ABHD13: variants seen among roughly 807,000 people sequenced by gnomAD.
ABHD13 encodes the protein abhydrolase domain containing 13.
In ABHD13, 7 loss-of-function variants were observed where a neutral mutation model predicts 25.2. The ratio of observed to expected loss-of-function variants is 0.28; its 90% CI spans 0.16 to 0.52. ABHD13 has a LOEUF of 0.52. Ranked by LOEUF, ABHD13 falls within the 20% of genes least tolerant of loss-of-function variation. The pLI is 0.96. For synonymous variants in ABHD13, 133 were observed against 136.1 expected, an observed-to-expected ratio of 0.98 and a Z score of 0.16; for missense variants, 302 against 402.7, an observed-to-expected ratio of 0.75 and a Z score of 2.14.
intron 1 of ABHD13, among the ~76,000 whole-genome samples, chr13:108,223,557 G>A (rs1047603953): frequency 2.0e-5 from 3 of 152,030 alleles, no homozygotes; most frequent in African/African-American, 7.3e-5. Context: ...CTCATTTACC[G>A]TGAGCTCATG....
At chr13:108,224,916 T>C (rs908720608) in intron 1 of ABHD13, among the ~76,000 whole-genome samples, 11 of 152,260 alleles carry the variant, frequency 7.2e-5, no homozygotes, top group African/African-American at 2.4e-4. Flanking sequence ...AACAATCATA[T>C]CTAATTTATA....
Position 108,233,374 on chromosome 13 carries a change from T to C in ABHD13, c.*3142T>C, listed in dbSNP as rs1879850349. ...CAGATAGCTTAAGAGCAGTTTATATTAAGGAGACCCTTTTCTCCTTGAGGA... is the reference window on the plus strand; with the variant it reads ...CAGATAGCTTAAGAGCAGTTTATATCAAGGAGACCCTTTTCTCCTTGAGGA... On this transcript the variant is annotated 3_prime_UTR_variant, in exon 2 of 2. Coordinates refer to ENST00000375898, the MANE Select transcript of ABHD13 (RefSeq NM_032859.3). The C allele has an allele frequency of 6.0e-6, 1 of 166,872 alleles. No individual in the cohort carries two copies. Among genetic ancestry groups the C allele is most frequent in the Non-Finnish European group, 1.5e-5 (1 of 67,990 alleles). 10.3% of individuals were successfully genotyped at this position (166,872 alleles called of 1,614,324 possible).
At chr13:108,220,397 T>G (rs887337497) in intron 1 of ABHD13, among the ~76,000 whole-genome samples, 7 of 152,218 alleles carry the variant, frequency 4.6e-5, no homozygotes, top group Non-Finnish European at 1.0e-4. Flanking sequence ...GGATCTAACA[T>G]TTTCCCATGA....
chr13:108,222,287 C>G (rs377267940), intron 1 of ABHD13, among the ~76,000 whole-genome samples: 1 of 151,984 alleles, frequency 6.6e-6, no homozygotes, highest in Non-Finnish European at 1.5e-5. Context: ...ACTAACCTTA[C>G]GGCAATAATT....
Position 108,229,397 on chromosome 13 carries a change from T to C in ABHD13, c.179T>C (p.Phe60Ser). The change falls in exon 2 of 2, where the codon TTC becomes TCC. Residue 60 changes from phenylalanine (F) to serine (S), a missense_variant. Physicochemically the swap from Phe to Ser is radical, Grantham distance 155. Coordinates refer to ENST00000375898, the MANE Select transcript of ABHD13 (RefSeq NM_032859.3). This position sits in a 1 kb window ranked among gnomAD's most constrained non-coding sequence, Gnocchi z 4.7. The stretch of plus-strand genomic sequence containing the variant: ...TCAATAGCAGGTATTCTGTATAAAT[T>C]CCAGGATGTATTGCTTTATTTTCCA... ...FISIAGILYK[F>S]QDVLLYFPEQ... 6.2e-7 allele frequency: 1 copy of C among 1,612,698 alleles called. No homozygotes were observed. Among genetic ancestry groups the C allele is most frequent in the Non-Finnish European group, 8.5e-7 (1 of 1,179,228 alleles).
At position 108,229,290 on chromosome 13, in the gene ABHD13, T is replaced by A; in HGVS notation, c.72T>A (p.Ala24=). 1 of 1,608,094 alleles carries A rather than the reference T, an allele frequency of 6.2e-7. No individual in the cohort carries two copies. The highest frequency in any genetic ancestry group is 8.5e-7 in the Non-Finnish European group (1 of 1,177,560). Residue 24 remains alanine, a synonymous_variant, in exon 2 of 2, where the codon GCT becomes GCA. Transcript: ENST00000375898. This position sits in a 1 kb window ranked among gnomAD's most constrained non-coding sequence, Gnocchi z 4.7. ...WLIALASWSW[A]LCRISLLPLI... ...TAGCCTTGGCTTCATGGTCTTGGGC[T>A]CTCTGCCGTATTTCTCTTTTACCTT...
At chr13:108,225,051 A>AT (rs71204862) in intron 1 of ABHD13, among the ~76,000 whole-genome samples, 8,817 of 151,618 alleles carry the variant, frequency 0.058, 250 homozygotes, top group East Asian at 0.11. Context: ...TCTAAGGTTG[A>AT]TTTTTTTTTC....
At chr13:108,225,890 A>G (rs1000619068) in intron 1 of ABHD13, among the ~76,000 whole-genome samples, 1 of 152,186 alleles carries the variant, frequency 6.6e-6, no homozygotes, top group Non-Finnish European at 1.5e-5. Flanking sequence ...TCTAGTTGGT[A>G]TAAGTTTGAG....
chr13:108,224,382 T>G (rs535276384), intron 1 of ABHD13, among the ~76,000 whole-genome samples: 2 of 152,304 alleles, frequency 1.3e-5, no homozygotes, highest in East Asian at 3.9e-4. Context: ...GTAGGCCTGC[T>G]TCAGTGGTCC....
chr13:108,220,766 T>C (rs67481697), intron 1 of ABHD13, among the ~76,000 whole-genome samples: 7,112 of 152,322 alleles, frequency 0.047, 187 homozygotes, highest in East Asian at 0.11. Context: ...GTAAGGCTTC[T>C]AGTTGTACTT....
At chr13:108,226,948 A>T (rs1287919507) in intron 1 of ABHD13, among the ~76,000 whole-genome samples, 3 of 152,082 alleles carry the variant, frequency 2.0e-5, no homozygotes, top group Non-Finnish European at 4.4e-5. Context: ...GCAATATAAG[A>T]ATATGTTAAG....
chr13:108,218,420 C>A lies in ABHD13; in HGVS notation c.-260C>A, dbSNP rs772347618. 1 of 152,076 alleles carries A rather than the reference C, an allele frequency of 6.6e-6. No individual in the cohort carries two copies. Among genetic ancestry groups the A allele is most frequent in the African/African-American group, 2.4e-5 (1 of 41,422 alleles). 9.4% of individuals were successfully genotyped at this position (152,076 alleles called of 1,614,324 possible). A position where few individuals can be genotyped will look rare whatever the true frequency, so the allele number is the denominator to read the frequency against. On this transcript the variant is annotated 5_prime_UTR_variant, in exon 1 of 2. Transcript: ENST00000375898. ...GCGGGCAGGGTTCCCACTCCGGGAG[C>A]GGAGACGGAGAACAGGTTATGTGGG... is the stretch of plus-strand genomic sequence containing the variant.
At chr13:108,226,352 A>C (rs1879670986) in intron 1 of ABHD13, among the ~76,000 whole-genome samples, 1 of 152,200 alleles carries the variant, frequency 6.6e-6, no homozygotes, top group African/African-American at 2.4e-5. Flanking sequence ...AGCCAATTAC[A>C]GGTCGTATTC....
chr13:108,233,928 GTGTT>G lies in ABHD13; in HGVS notation c.*3698_*3701del, dbSNP rs1240463682. On this transcript the variant is annotated 3_prime_UTR_variant, in exon 2 of 2. Coordinates refer to ENST00000375898, the MANE Select transcript of ABHD13 (RefSeq NM_032859.3). ...ATATACATATGTAACAGGTGAGTGT[GTGTT>G]TAACATAATTTATAATTATTTCTGT... is the stretch of plus-strand genomic sequence containing the variant. 1 of 166,724 alleles carries G rather than the reference GTGTT, an allele frequency of 6.0e-6. No individual in the cohort carries two copies. Among genetic ancestry groups the G allele is most frequent in the East Asian group, 1.9e-4 (1 of 5,198 alleles). The allele number at this position is 166,724 out of a possible 1,614,324, so 10.3% of individuals were successfully genotyped here. A position where few individuals can be genotyped will look rare whatever the true frequency, so the allele number is the denominator to read the frequency against.
At chr13:108,221,150 T>C (rs1406060414) in intron 1 of ABHD13, among the ~76,000 whole-genome samples, 2 of 152,252 alleles carry the variant, frequency 1.3e-5, no homozygotes, top group African/African-American at 4.8e-5. Context: ...AGATGCTGTC[T>C]GAACCATCCA....
At chr13:108,226,616 T>C (rs1420873841) in intron 1 of ABHD13, among the ~76,000 whole-genome samples, 3 of 152,162 alleles carry the variant, frequency 2.0e-5, no homozygotes, top group African/African-American at 7.2e-5. Flanking sequence ...ACAAAATCAA[T>C]AGAAAACATA....
chr13:108,219,912 C>T (rs564659613), intron 1 of ABHD13, among the ~76,000 whole-genome samples: 4 of 152,086 alleles, frequency 2.6e-5, no homozygotes, highest in Admixed American at 1.3e-4. Context: ...AGATACGGTA[C>T]CTCTAGGGAA....
intron 1 of ABHD13, among the ~76,000 whole-genome samples, chr13:108,220,422 T>G (rs1333342554): frequency 2.0e-5 from 3 of 152,216 alleles, no homozygotes; most frequent in African/African-American, 7.2e-5. Context: ...TTCTCATAAC[T>G]TATCTCAGGG....
Position 108,230,494 on chromosome 13 carries a change from T to C in ABHD13, c.*262T>C, listed in dbSNP as rs1025574198. On this transcript the variant is annotated 3_prime_UTR_variant, in exon 2 of 2. Transcript: ENST00000375898. ...GTTTAATATGTCAGTATAATAGATATTGTTCAAAAGTTTCTTGTTGCTAAA... is the reference window on the plus strand; with the variant it reads ...GTTTAATATGTCAGTATAATAGATACTGTTCAAAAGTTTCTTGTTGCTAAA... 1.0e-5 allele frequency: 3 copies of C among 292,836 alleles called. No homozygotes were observed. Among genetic ancestry groups the C allele is most frequent in the Admixed American group, 4.9e-5 (1 of 20,596 alleles). 18.1% of individuals were successfully genotyped at this position (292,836 alleles called of 1,614,324 possible).
Sources: gnomAD v4.1 joint callset for allele counts (sites outside exome capture counted in the v4.1 genomes callset) on GRCh38, gnomAD v4.1.1 for gene constraint, Gnocchi (gnomAD v3.1) non-coding constraint, MANE v1.5 for transcripts, NCBI Gene and HGNC (gene_info 2026-07-23, HGNC 2026-07-21) for gene names.